MAPKAP1: variants seen among roughly 807,000 people sequenced by gnomAD.
MAPKAP1 encodes the protein target of rapamycin complex 2 subunit MAPKAP1.
A neutral mutation model predicts 65.7 loss-of-function variants in MAPKAP1; 20 were observed. That is an observed-to-expected ratio of 0.30 (90% CI 0.21 to 0.44). The LOEUF (loss-of-function observed/expected upper bound fraction) is 0.44, where lower values mean the gene tolerates loss of function less well. Among genes scored for constraint, MAPKAP1 ranks in the 20% least tolerant of loss-of-function variants. The pLI is 1.00. For synonymous variants in MAPKAP1, 222 were observed against 244.3 expected (o/e 0.91, Z 0.85); for missense variants, 423 against 648.0 (o/e 0.65, Z 3.77).
intron 5 of MAPKAP1, among the ~76,000 whole-genome samples, chr9:125,570,647 T>C (rs1831200608): frequency 6.6e-6 from 1 of 151,898 alleles, no homozygotes; most frequent in Non-Finnish European, 1.5e-5. Context: ...ATGCAATGTG[T>C]AAAGAAAGTA....
At chr9:125,575,659 T>C (rs1015346864) in intron 5 of MAPKAP1, among the ~76,000 whole-genome samples, 2 of 152,208 alleles carry the variant, frequency 1.3e-5, no homozygotes, top group South Asian at 2.1e-4. Context: ...GACATACCAC[T>C]ACACACCTAT....
intron 10 of MAPKAP1, among the ~76,000 whole-genome samples, chr9:125,462,624 A>C (rs1358252537): frequency 6.6e-6 from 1 of 152,186 alleles, no homozygotes; most frequent in Admixed American, 6.5e-5. Flanking sequence ...GGGTTTGTTT[A>C]ATGACTGACT....
intron 4 of MAPKAP1, among the ~76,000 whole-genome samples, chr9:125,635,972 C>T (rs1024183284): frequency 2.0e-5 from 3 of 152,200 alleles, no homozygotes; most frequent in Non-Finnish European, 4.4e-5. Context: ...TATGGCTCAA[C>T]TAGAGCAGCT....
At chr9:125,520,674 C>T (rs1417117175) in intron 7 of MAPKAP1, among the ~76,000 whole-genome samples, 1 of 152,184 alleles carries the variant, frequency 6.6e-6, no homozygotes, top group African/African-American at 2.4e-5. Flanking sequence ...ATTCCTAGGA[C>T]AGCCTCAGCA....
At chr9:125,459,542 C>G (rs928338876) in intron 10 of MAPKAP1, among the ~76,000 whole-genome samples, 9 of 152,180 alleles carry the variant, frequency 5.9e-5, no homozygotes, top group Admixed American at 5.2e-4. Flanking sequence ...ACTGAGTGAA[C>G]GAGACTCCGT....
chr9:125,553,060 TTA>T (rs1451122722), intron 6 of MAPKAP1, among the ~76,000 whole-genome samples: 1 of 152,092 alleles, frequency 6.6e-6, no homozygotes, highest in African/African-American at 2.4e-5. Flanking sequence ...ACCACATATT[TTA>T]TATATGTCAC....
intron 1 of MAPKAP1, among the ~76,000 whole-genome samples, chr9:125,683,571 G>A (rs991760279): frequency 2.6e-5 from 4 of 152,082 alleles, no homozygotes; most frequent in African/African-American, 7.2e-5. Context: ...TCATATCACC[G>A]CAAGGAAATG....
intron 1 of MAPKAP1, among the ~76,000 whole-genome samples, chr9:125,680,570 A>G (rs1438673791): frequency 6.6e-6 from 1 of 152,226 alleles, no homozygotes; most frequent in Non-Finnish European, 1.5e-5. Flanking sequence ...GTAAATTGTG[A>G]GACCATATAT....
At chr9:125,558,450 A>C (rs781453935) in intron 6 of MAPKAP1, among the ~76,000 whole-genome samples, 1 of 152,152 alleles carries the variant, frequency 6.6e-6, no homozygotes, top group African/African-American at 2.4e-5. Flanking sequence ...ACCCCCAGGT[A>C]CTCAGTTATT....
rs371674455 is a variant in MAPKAP1 at position 125,581,866 on chromosome 9, G to A, written c.671+3689C>T. Among the ~76,000 whole-genome samples the A allele has an allele frequency of 5.1e-3, 760 of 150,152 alleles. 5 individuals are homozygous for A. The highest frequency in any genetic ancestry group is 0.017 in the African/African-American group (713 of 41,018). On this transcript the variant is annotated intron_variant, in intron 5 of 11. Transcript: ENST00000265960. Reference sequence around the variant, plus strand: ...TTAAAAAAAAAAAGTCTCTTCTTCCGCCATTTAATTTGCATGTGTTTTTAA... The same window carrying A: ...TTAAAAAAAAAAAGTCTCTTCTTCCACCATTTAATTTGCATGTGTTTTTAA...
chr9:125,506,509 A>G (rs1829147182), intron 7 of MAPKAP1, 92 bp from the exon 8 acceptor site: 1 of 1,040,670 alleles, frequency 9.6e-7, no homozygotes, highest in Admixed American at 1.9e-5. Flanking sequence ...AAAGCTGATA[A>G]AGCCTTAGTA....
chr9:125,502,881 C>G (rs1426257390), intron 8 of MAPKAP1, among the ~76,000 whole-genome samples: 1 of 152,094 alleles, frequency 6.6e-6, no homozygotes, highest in Non-Finnish European at 1.5e-5. Flanking sequence ...AGAGTTAAAA[C>G]CTCCCTCCAT....
rs75947004 is a variant in MAPKAP1 at position 125,665,976 on chromosome 9, A to G, written c.349+3842T>C. ...GATTCATGTAGTCCTCCTAGAGCTC[A>G]GCACAGAATTATTAGGCACACAGGA... On this transcript the variant is annotated intron_variant, in intron 3 of 11. Coordinates refer to ENST00000265960, the MANE Select transcript of MAPKAP1 (RefSeq NM_001006617.3). 4.4e-3 allele frequency among the ~76,000 whole-genome samples: 676 copies of G among 152,356 alleles called. 4 individuals carry two copies. Among genetic ancestry groups the G allele is most frequent in the African/African-American group, 9.0e-3 (375 of 41,584 alleles).
At chr9:125,659,567 C>T (rs922895792) in intron 3 of MAPKAP1, among the ~76,000 whole-genome samples, 2 of 152,052 alleles carry the variant, frequency 1.3e-5, no homozygotes, top group Admixed American at 6.6e-5. Context: ...CTGCCCTTAC[C>T]TTAGGCCAGC....
At chr9:125,649,798 C>CAAAAAAA (rs35503728) in intron 4 of MAPKAP1, among the ~76,000 whole-genome samples, 9 of 76,176 alleles carry the variant, frequency 1.2e-4, no homozygotes, top group East Asian at 3.5e-4. Flanking sequence ...AACTCCGTCT[C>CAAAAAAA]AAAAAAAAAA....
intron 9 of MAPKAP1, among the ~76,000 whole-genome samples, chr9:125,475,281 T>C (rs562715434): frequency 6.6e-6 from 1 of 152,282 alleles, no homozygotes; most frequent in African/African-American, 2.4e-5. Context: ...ACTGATCAAA[T>C]GCATTACAAT....
chr9:125,544,193 T>A (rs924079798), intron 6 of MAPKAP1, among the ~76,000 whole-genome samples: 8 of 152,040 alleles, frequency 5.3e-5, no homozygotes, highest in Non-Finnish European at 7.4e-5. Flanking sequence ...GTAGTTTTAG[T>A]AGAGATGGGT....
At chr9:125,577,172 C>T (rs1466426399) in intron 5 of MAPKAP1, among the ~76,000 whole-genome samples, 2 of 151,842 alleles carry the variant, frequency 1.3e-5, no homozygotes, top group African/African-American at 4.8e-5. Context: ...TGCCCTGCCG[C>T]CCCGTCCGGG....
chr9:125,565,844 C>T (rs764174876), intron 5 of MAPKAP1: 23 of 283,990 alleles, frequency 8.1e-5, no homozygotes, highest in Non-Finnish European at 1.4e-4. Context: ...TGGTGTAACA[C>T]ATAGTAGGCC....
Sources: gnomAD v4.1 joint callset for allele counts (sites outside exome capture counted in the v4.1 genomes callset) on GRCh38, gnomAD v4.1.1 for gene constraint, MANE v1.5 for transcripts, NCBI Gene and HGNC (gene_info 2026-07-23, HGNC 2026-07-21) for gene names.